NBAS: variants seen among roughly 807,000 people sequenced by gnomAD.
The protein encoded by NBAS is NAG/BC035112 fusion.
A neutral mutation model predicts 302.5 loss-of-function variants in NBAS; 219 were observed. The ratio of observed to expected loss-of-function variants is 0.72; its 90% CI spans 0.65 to 0.81. The LOEUF (loss-of-function observed/expected upper bound fraction) is 0.81. Ranked by LOEUF, NBAS falls within the 30% of genes least tolerant of loss-of-function variation. The probability of loss-of-function intolerance (pLI) is 0.00; values close to 1 mark genes in which losing one functional copy is unlikely to be tolerated. For missense variants in NBAS, 2,932 were observed against 2,841.6 expected, an observed-to-expected ratio of 1.03 and a Z score of -0.72; for synonymous variants, 1,118 against 1,021.6, an observed-to-expected ratio of 1.09 and a Z score of -1.80.
intron 25 of NBAS, among the ~76,000 whole-genome samples, chr2:15,404,630 G>A (rs943844485): frequency 1.3e-5 from 2 of 151,170 alleles, no homozygotes; most frequent in Non-Finnish European, 2.9e-5. Context: ...CTCCTGCCTC[G>A]GCGTCCTGAG....
the NBAS span, among the ~76,000 whole-genome samples, chr2:14,866,829 C>CA: frequency 1.3e-5 from 2 of 152,174 alleles, no homozygotes; most frequent in African/African-American, 2.4e-5. Context: ...ATTTGAACCA[C>CA]AAAAAACAGA....
intron 28 of NBAS, among the ~76,000 whole-genome samples, chr2:15,389,138 G>A (rs1036205024): frequency 1.4e-4 from 21 of 152,096 alleles, no homozygotes; most frequent in Non-Finnish European, 2.4e-4. Context: ...GTTAACACTC[G>A]TCAGACAGGC....
At chr2:15,411,730 T>C (rs1676695617) in intron 25 of NBAS, among the ~76,000 whole-genome samples, 1 of 152,184 alleles carries the variant, frequency 6.6e-6, no homozygotes, top group African/African-American at 2.4e-5. Context: ...CGGTTTTCCA[T>C]CAAAATCACC....
chr2:15,522,794 T>G (rs1662735999), intron 9 of NBAS, among the ~76,000 whole-genome samples: 1 of 152,198 alleles, frequency 6.6e-6, no homozygotes, highest in Non-Finnish European at 1.5e-5. Flanking sequence ...TGCCCCAAAA[T>G]TTAACTACTA....
At chr2:15,215,621 A>G (rs1666616468) in intron 48 of NBAS, among the ~76,000 whole-genome samples, 1 of 152,206 alleles carries the variant, frequency 6.6e-6, no homozygotes. Flanking sequence ...GAGAAAATGA[A>G]AAAAACAAGA....
At chr2:15,413,035 G>A (rs547639081) in intron 25 of NBAS, among the ~76,000 whole-genome samples, 13 of 152,110 alleles carry the variant, frequency 8.5e-5, no homozygotes, top group Non-Finnish European at 1.9e-4. Context: ...CACTGCCAGC[G>A]CCAATAAGAT....
chr2:14,896,681 T>C, the NBAS span, among the ~76,000 whole-genome samples: 2 of 152,136 alleles, frequency 1.3e-5, no homozygotes, highest in Non-Finnish European at 2.9e-5. Flanking sequence ...GCCTTCTTTC[T>C]GGACTTTGAG....
intron 45 of NBAS, among the ~76,000 whole-genome samples, chr2:15,235,496 TC>T (rs564474231): frequency 2.0e-5 from 3 of 152,226 alleles, no homozygotes; most frequent in Non-Finnish European, 4.4e-5. Context: ...GTTTCCAGAT[TC>T]TTTATAGTTT....
At chr2:15,012,424 A>T in the NBAS span, among the ~76,000 whole-genome samples, 1 of 152,168 alleles carries the variant, frequency 6.6e-6, no homozygotes, top group Non-Finnish European at 1.5e-5. Flanking sequence ...AAGTGAAAAA[A>T]TATTTACATT....
intron 9 of NBAS, among the ~76,000 whole-genome samples, chr2:15,520,085 TA>T (rs1006813139): frequency 2.6e-5 from 4 of 152,138 alleles, no homozygotes; most frequent in African/African-American, 7.2e-5. Context: ...TTTTTTTAAA[TA>T]CAATTTAGAG....
the NBAS span, among the ~76,000 whole-genome samples, chr2:15,124,764 T>A: frequency 6.6e-6 from 1 of 152,324 alleles, no homozygotes; most frequent in South Asian, 2.1e-4. Context: ...AGTCTTAGCA[T>A]CTTCCATGTA....
the NBAS span, among the ~76,000 whole-genome samples, chr2:14,980,384 T>C: frequency 6.6e-6 from 1 of 152,028 alleles, no homozygotes; most frequent in African/African-American, 2.4e-5. Flanking sequence ...GGGCTGAAAA[T>C]AGAAATAATA....
At chr2:15,183,229 T>C (rs1164777538) in intron 50 of NBAS, among the ~76,000 whole-genome samples, 1 of 152,200 alleles carries the variant, frequency 6.6e-6, no homozygotes, top group Admixed American at 6.5e-5. Context: ...TGAGCACATT[T>C]AGCCATCAGT....
At chr2:15,126,646 T>G in the NBAS span, among the ~76,000 whole-genome samples, 1 of 152,178 alleles carries the variant, frequency 6.6e-6, no homozygotes, top group African/African-American at 2.4e-5. Context: ...TGGTAATTAT[T>G]TCTCTGTCAG....
At chr2:15,376,419 CA>C (rs1674741201) in intron 30 of NBAS, among the ~76,000 whole-genome samples, 2 of 152,142 alleles carry the variant, frequency 1.3e-5, no homozygotes, top group Admixed American at 1.3e-4. Context: ...AGGTGAAATA[CA>C]ATTCCCAGTT....
intron 16 of NBAS, among the ~76,000 whole-genome samples, chr2:15,471,984 A>G (rs1041376777): frequency 1.3e-5 from 2 of 152,252 alleles, no homozygotes; most frequent in African/African-American, 2.4e-5. Flanking sequence ...TAATTGAGAC[A>G]AGACTATATT....
the NBAS span, among the ~76,000 whole-genome samples, chr2:15,006,129 T>C: frequency 6.6e-6 from 1 of 152,258 alleles, no homozygotes; most frequent in Admixed American, 6.5e-5. Flanking sequence ...ATAGGGTTTT[T>C]AATTTAAATT....
intron 35 of NBAS, among the ~76,000 whole-genome samples, chr2:15,341,546 A>G (rs1156974445): frequency 6.6e-6 from 1 of 152,128 alleles, no homozygotes; most frequent in Non-Finnish European, 1.5e-5. Context: ...TAATAACTCA[A>G]TAACAATAGA....
At chr2:15,521,933 C>T (rs1662692536) in intron 9 of NBAS, among the ~76,000 whole-genome samples, 1 of 152,170 alleles carries the variant, frequency 6.6e-6, no homozygotes. Context: ...ATATGGCCTG[C>T]ACAGTCTAAA....
Sources: gnomAD v4.1 joint callset for allele counts (sites outside exome capture counted in the v4.1 genomes callset) on GRCh38, gnomAD v4.1.1 for gene constraint, MANE v1.5 for transcripts, NCBI Gene and HGNC (gene_info 2026-07-23, HGNC 2026-07-21) for gene names.